SLCO1B1: variants seen among roughly 807,000 people sequenced by gnomAD.
The protein encoded by SLCO1B1 is OATP-2.
Under a neutral mutation model 70.1 loss-of-function variants are expected in SLCO1B1, and 81 were observed. That is an observed-to-expected ratio of 1.16 (90% CI 0.97 to 1.39). The LOEUF (loss-of-function observed/expected upper bound fraction) is 1.39. Ranked by LOEUF, SLCO1B1 falls within the 40% of genes most tolerant of loss-of-function variation. The probability of loss-of-function intolerance (pLI) is 0.00; values close to 1 mark genes in which losing one functional copy is unlikely to be tolerated. For missense variants in SLCO1B1, 895 were observed against 799.6 expected (o/e 1.12, Z -1.44); for synonymous variants, 283 against 271.5 (o/e 1.04, Z -0.42).
chr12:21,178,942 A>G lies in SLCO1B1; in HGVS notation c.649A>G (p.Met217Val). 3 of 1,611,300 alleles carry G rather than the reference A, an allele frequency of 1.9e-6. No individual in the cohort carries two copies. The highest frequency in any genetic ancestry group is 1.3e-5 in the African/African-American group (1 of 74,986). ...TTCAGGTATATTGAATGCAATAGCA[A>G]TGATTGGTCCAATCATTGGCTTTAC... ...LYLGILNAIA[M>V]IGPIIGFTLG... Residue 217 changes from methionine to valine, a missense_variant, in exon 7 of 15, where the codon ATG becomes GTG. By Grantham distance (21) the Met-to-Val change is conservative (BLOSUM62 1). Coordinates refer to ENST00000256958, the MANE Select transcript of SLCO1B1 (RefSeq NM_006446.5).
At chr12:21,178,516 A>C (rs1431550238) in intron 5 of SLCO1B1, 60 bp from the exon 6 acceptor site, 1 of 1,228,658 alleles carries the variant, frequency 8.1e-7, no homozygotes, top group Non-Finnish European at 1.2e-6. Flanking sequence ...CAAGTAGTTA[A>C]ATTTGTAATA....
At chr12:21,210,005 A>C (rs1352051522) in intron 11 of SLCO1B1, among the ~76,000 whole-genome samples, 1 of 150,856 alleles carries the variant, frequency 6.6e-6, no homozygotes, top group African/African-American at 2.4e-5. Flanking sequence ...CCCATTTTGT[A>C]GGTTGCCTGT....
intron 2 of SLCO1B1, among the ~76,000 whole-genome samples, chr12:21,157,007 A>G (rs914646690): frequency 6.6e-6 from 1 of 152,200 alleles, no homozygotes; most frequent in Non-Finnish European, 1.5e-5. Context: ...ATTCACAAAC[A>G]TCTTCATGAA....
chr12:21,214,109 C>T (rs1425369362), intron 11 of SLCO1B1, among the ~76,000 whole-genome samples: 1 of 152,220 alleles, frequency 6.6e-6, no homozygotes, highest in Non-Finnish European at 1.5e-5. Context: ...TGGTGAGGAA[C>T]TGCATTCCTT....
chr12:21,217,473 A>C (rs1941373090), intron 12 of SLCO1B1, among the ~76,000 whole-genome samples, 170 bp downstream of exon 12: 1 of 152,174 alleles, frequency 6.6e-6, no homozygotes, highest in African/African-American at 2.4e-5. Flanking sequence ...GGCTGTAATT[A>C]ATAATTTTGC....
intron 14 of SLCO1B1, among the ~76,000 whole-genome samples, chr12:21,228,804 A>C (rs77418778): frequency 0.027 from 4,132 of 152,220 alleles, 181 homozygotes; most frequent in African/African-American, 0.093. Context: ...AACTAAGACA[A>C]GTATTAGGCT....
At chr12:21,193,365 G>A (rs538986005) in intron 7 of SLCO1B1, among the ~76,000 whole-genome samples, 1 of 152,118 alleles carries the variant, frequency 6.6e-6, no homozygotes, top group African/African-American at 2.4e-5. Context: ...GAGCATCCTT[G>A]GATTTTGGTA....
intron 14 of SLCO1B1, among the ~76,000 whole-genome samples, chr12:21,236,581 AT>A (rs989815910): frequency 1.1e-4 from 16 of 152,248 alleles, no homozygotes; most frequent in African/African-American, 3.9e-4. Flanking sequence ...ATTCCTAACA[AT>A]TTGGTGGTCA....
intron 8 of SLCO1B1, 103 bp downstream of exon 8, chr12:21,197,291 G>C: frequency 7.6e-7 from 1 of 1,321,860 alleles, no homozygotes; most frequent in Non-Finnish European, 1.0e-6. Context: ...ATCTGGAGTT[G>C]GCTTTCTTTT....
intron 14 of SLCO1B1, among the ~76,000 whole-genome samples, chr12:21,225,308 A>G (rs912394149): frequency 4.6e-5 from 7 of 152,268 alleles, no homozygotes; most frequent in Non-Finnish European, 1.0e-4. Context: ...TTAAGAAAAA[A>G]CGGGAAAATA....
At chr12:21,132,956 A>G (rs374845505) in intron 1 of SLCO1B1, among the ~76,000 whole-genome samples, 30 of 151,976 alleles carry the variant, frequency 2.0e-4, no homozygotes, top group African/African-American at 5.3e-4. Flanking sequence ...TAGGGTTTTT[A>G]TGGTTTTAGG....
chr12:21,153,846 T>C (rs1389332543), intron 2 of SLCO1B1, among the ~76,000 whole-genome samples: 1 of 152,026 alleles, frequency 6.6e-6, no homozygotes, highest in Non-Finnish European at 1.5e-5. Flanking sequence ...CTATTTGGGC[T>C]ATTATTTATA....
At chr12:21,161,396 A>C (rs1184952150) in intron 2 of SLCO1B1, among the ~76,000 whole-genome samples, 1 of 152,210 alleles carries the variant, frequency 6.6e-6, no homozygotes, top group Admixed American at 6.5e-5. Flanking sequence ...ATCTTTAGCA[A>C]ACTAACACAG....
Position 21,135,277 on chromosome 12 carries a change from G to C in SLCO1B1, c.-62+4041G>C, listed in dbSNP as rs570728725. Among the ~76,000 whole-genome samples, 3 of 152,314 alleles carry C rather than the reference G, an allele frequency of 2.0e-5. No homozygotes were observed. The East Asian group carries it at 5.8e-4, about 29-fold the overall frequency. ...AACTATGTGGTCAATTTCAGAGTAGGTGTGGTGTGGTGCTGAAAAGAATGT... is the reference window on the plus strand; with the variant it reads ...AACTATGTGGTCAATTTCAGAGTAGCTGTGGTGTGGTGCTGAAAAGAATGT... On this transcript the variant is annotated intron_variant, in intron 1 of 14. Coordinates refer to ENST00000256958, the MANE Select transcript of SLCO1B1 (RefSeq NM_006446.5).
chr12:21,174,778 A>T, intron 4 of SLCO1B1, 69 bp downstream of exon 4: 1 of 1,509,878 alleles, frequency 6.6e-7, no homozygotes, highest in East Asian at 2.3e-5. Flanking sequence ...GTAGAATTTT[A>T]TTATTATCCC....
chr12:21,157,952 C>T (rs567002622), intron 2 of SLCO1B1, among the ~76,000 whole-genome samples: 1 of 152,066 alleles, frequency 6.6e-6, no homozygotes, highest in African/African-American at 2.4e-5. Context: ...GGTAATTTTT[C>T]AAGATGAATT....
At chr12:21,145,450 C>CCACTTCA (rs747522034) in intron 2 of SLCO1B1, among the ~76,000 whole-genome samples, 123 of 147,252 alleles carry the variant, frequency 8.4e-4, no homozygotes, top group Non-Finnish European at 1.3e-3. Flanking sequence ...CAGGCACATG[C>CCACTTCA]CACTTCACCC....
intron 7 of SLCO1B1, among the ~76,000 whole-genome samples, chr12:21,191,945 G>A (rs907314188): frequency 6.6e-6 from 1 of 151,960 alleles, no homozygotes; most frequent in African/African-American, 2.4e-5. Flanking sequence ...GTTAAACTTA[G>A]CATTTCAGGT....
At position 21,178,730 on chromosome 12, in the gene SLCO1B1, A is replaced by G; in HGVS notation, c.628+8A>G. The G allele has an allele frequency of 1.3e-6, 2 of 1,594,586 alleles. No individual in the cohort carries two copies. Among genetic ancestry groups the G allele is most frequent in the Non-Finnish European group, 8.6e-7 (1 of 1,162,308 alleles). On this transcript the variant is annotated splice_region_variant and intron_variant, in intron 6 of 14. Transcript: ENST00000256958. ...ATTCTTCTTTGTATTTAGGTAATGT[A>G]CACAAAATATTAAATTGTATGATCA...
Sources: allele counts gnomAD v4.1 joint callset (sites outside exome capture counted in the v4.1 genomes callset), GRCh38; gene constraint gnomAD v4.1.1; transcripts MANE v1.5; gene names NCBI Gene and HGNC (gene_info 2026-07-23, HGNC 2026-07-21).